Variants in TRPM7 observed in about 807,000 individuals in gnomAD.
The protein encoded by TRPM7 is LTRPC ion channel family member 7.
TRPM7 carries 134 observed loss-of-function variants against 229.7 expected under a neutral mutation model. That is an observed-to-expected ratio of 0.58 (90% confidence interval 0.51 to 0.67). The LOEUF is 0.67. Among genes scored for constraint, TRPM7 ranks in the 30% least tolerant of loss-of-function variants. The pLI, the probability that TRPM7 is intolerant of heterozygous loss-of-function variation, is 0.00. For synonymous variants in TRPM7, 699 were observed against 715.2 expected (o/e 0.98, Z 0.36); for missense variants, 1,901 against 2,210.0 (o/e 0.86, Z 2.80).
chr15:50,623,487 G>GCCC (rs570868762), intron 12 of TRPM7, among the ~76,000 whole-genome samples: 95 of 113,124 alleles, frequency 8.4e-4, no homozygotes, highest in East Asian at 2.5e-3. Context: ...TTGCTGCCCC[G>GCCC]CCCCCTCCCC....
chr15:50,579,398 G>A (rs561014127), intron 30 of TRPM7, among the ~76,000 whole-genome samples: 1 of 152,296 alleles, frequency 6.6e-6, no homozygotes, highest in Non-Finnish European at 1.5e-5. Context: ...TGACCCTGTT[G>A]TTTCCTGTTG....
intron 12 of TRPM7, among the ~76,000 whole-genome samples, chr15:50,623,485 C>A (rs2060473963): frequency 9.4e-6 from 1 of 106,842 alleles, no homozygotes; most frequent in Admixed American, 1.1e-4. Flanking sequence ...TATTGCTGCC[C>A]CGCCCCCTCC....
intron 19 of TRPM7, 127 bp from the exon 20 acceptor site, chr15:50,607,455 TTTA>T: frequency 1.3e-6 from 1 of 771,426 alleles, no homozygotes. Flanking sequence ...CCTAGTTTCC[TTTA>T]TTAAAACAAT....
chr15:50,572,391 A>C (rs906182088), intron 36 of TRPM7, among the ~76,000 whole-genome samples: 8 of 152,234 alleles, frequency 5.3e-5, no homozygotes, highest in African/African-American at 1.9e-4. Flanking sequence ...CACCAGGAAA[A>C]AGACTACAAC....
At chr15:50,585,212 C>T (rs1343389729) in intron 28 of TRPM7, among the ~76,000 whole-genome samples, 1 of 152,116 alleles carries the variant, frequency 6.6e-6, no homozygotes, top group African/African-American at 2.4e-5. Flanking sequence ...CAGGCGCCCG[C>T]CACCGCGCCC....
intron 21 of TRPM7, among the ~76,000 whole-genome samples, chr15:50,600,517 A>T (rs2059750784): frequency 6.6e-6 from 1 of 152,206 alleles, no homozygotes; most frequent in Non-Finnish European, 1.5e-5. Flanking sequence ...TCATTCATAA[A>T]TAATCATCTA....
Position 50,591,930 on chromosome 15 carries a change from T to C in TRPM7, c.4305A>G (p.Thr1435=), listed in dbSNP as rs2059508159. 2 of 1,562,838 alleles carry C rather than the reference T, an allele frequency of 1.3e-6. No homozygotes were observed. Among genetic ancestry groups the C allele is most frequent in the African/African-American group, 2.8e-5 (2 of 72,336 alleles). ...ACTTACCTACAAATGCTCCAAATTC[T>C]GTATTATCTCCTTCTGTAGCTTTAG... ...VCSKATEGDN[T]EFGAFVGHRD... Residue 1435 remains threonine (T), a synonymous_variant, in exon 26 of 39, where the codon ACA becomes ACG. Coordinates refer to ENST00000646667, the MANE Select transcript of TRPM7 (RefSeq NM_017672.6).
At chr15:50,624,422 A>G (rs2140582080) in intron 11 of TRPM7, 122 bp from the exon 12 acceptor site, 1 of 838,916 alleles carries the variant, frequency 1.2e-6, no homozygotes, top group African/African-American at 1.7e-5. Context: ...ACAAAATTAG[A>G]AAGATGCAAC....
At chr15:50,596,999 C>T (rs1368595788) in intron 22 of TRPM7, among the ~76,000 whole-genome samples, 1 of 152,220 alleles carries the variant, frequency 6.6e-6, no homozygotes, top group Non-Finnish European at 1.5e-5. Flanking sequence ...CTGTCAGCCT[C>T]AGCCTCCCAA....
rs190421612 is a variant in TRPM7 at position 50,647,818 on chromosome 15, C to T, written c.321+869G>A. 5.6e-4 allele frequency among the ~76,000 whole-genome samples: 85 copies of T among 152,230 alleles called. No individual in the cohort carries two copies. In the East Asian group the frequency reaches 8.1e-3, roughly 15 times the overall value. ...GATCCACGTTTATGGTTTCAACCAACGGTGAATCAAATATATTCAAGAAAA... is the reference window on the plus strand; with the variant it reads ...GATCCACGTTTATGGTTTCAACCAATGGTGAATCAAATATATTCAAGAAAA... On this transcript the variant is annotated intron_variant, in intron 4 of 38. Transcript: ENST00000646667.
intron 20 of TRPM7, among the ~76,000 whole-genome samples, chr15:50,605,421 A>C (rs537944101): frequency 6.6e-6 from 1 of 152,350 alleles, no homozygotes; most frequent in South Asian, 2.1e-4. Flanking sequence ...ATTGTAAAAT[A>C]CTTTTGAAAA....
intron 1 of TRPM7, among the ~76,000 whole-genome samples, chr15:50,668,600 G>C (rs764913963): frequency 1.3e-5 from 2 of 152,040 alleles, no homozygotes; most frequent in Admixed American, 6.6e-5. Flanking sequence ...CTCTGCCTCC[G>C]GGGTCCAAGT....
At chr15:50,636,249 G>A (rs955929170) in intron 7 of TRPM7, among the ~76,000 whole-genome samples, 12 of 150,386 alleles carry the variant, frequency 8.0e-5, no homozygotes, top group African/African-American at 2.4e-4. Flanking sequence ...GCAGTGACGC[G>A]ATCTTGGCTC....
In TRPM7 at chr15:50,557,650, A is replaced by C. The variant is rs1056836478; in HGVS notation, c.*4028T>G. 1.3e-5 allele frequency: 2 copies of C among 152,122 alleles called. No homozygotes were observed. Among genetic ancestry groups the C allele is most frequent in the African/African-American group, 4.8e-5 (2 of 41,440 alleles). The allele number at this position is 152,122 out of a possible 1,614,324, so 9.4% of individuals were successfully genotyped here. ...GAGAACATTTGCAGAAAAGAATTCC[A>C]CATCTTTTTTTTGAGACAGAGTTCT... On this transcript the variant is annotated 3_prime_UTR_variant, in exon 39 of 39. Transcript: ENST00000646667.
At position 50,679,538 on chromosome 15, in the gene TRPM7, A is replaced by ATATATTTT. The variant is rs1400383980; in HGVS notation, c.3+6992_3+6993insAAAATATA. On this transcript the variant is annotated intron_variant, in intron 1 of 38. Transcript: ENST00000646667. ...TATATATATATATATATATATATATATTTTTTTTTTTTTTTGAGACAGAGT... is the reference window on the plus strand; with the variant it reads ...TATATATATATATATATATATATATATATATTTTTTTTTTTTTTTTTTTGAGACAGAGT... 4.6e-4 allele frequency among the ~76,000 whole-genome samples: 20 copies of ATATATTTT among 43,900 alleles called. 1 individual carries two copies. The highest frequency in any genetic ancestry group is 2.1e-3 in the African/African-American group (20 of 9,316). 28.8% of individuals were successfully genotyped at this position (43,900 alleles called of 152,430 possible).
At chr15:50,565,498 ATAT>A (rs1266676204) in intron 38 of TRPM7, among the ~76,000 whole-genome samples, 3 of 152,162 alleles carry the variant, frequency 2.0e-5, no homozygotes, top group Admixed American at 1.3e-4. Flanking sequence ...AATTACCATG[ATAT>A]TATTAATACA....
At chr15:50,578,164 G>A (rs1297547216) in intron 31 of TRPM7, among the ~76,000 whole-genome samples, 1 of 152,164 alleles carries the variant, frequency 6.6e-6, no homozygotes, top group African/African-American at 2.4e-5. Context: ...AGAATTCACT[G>A]AATTCTGCAC....
At chr15:50,634,759 A>G (rs1363665138) in intron 7 of TRPM7, among the ~76,000 whole-genome samples, 2 of 152,230 alleles carry the variant, frequency 1.3e-5, no homozygotes, top group African/African-American at 4.8e-5. Context: ...AAATTAAATA[A>G]TGAATACTTT....
At chr15:50,686,436 G>C in intron 1 of TRPM7, 95 bp downstream of exon 1, 6 of 1,599,512 alleles carry the variant, frequency 3.8e-6, no homozygotes, top group Non-Finnish European at 5.1e-6. Flanking sequence ...TCGCCGCATG[G>C]AACGCGGCTC....
Sources: allele counts gnomAD v4.1 joint callset (sites outside exome capture counted in the v4.1 genomes callset), GRCh38; gene constraint gnomAD v4.1.1; transcripts MANE v1.5; gene names NCBI Gene and HGNC (gene_info 2026-07-23, HGNC 2026-07-21).